The following TSNARE1 variants were observed in gnomAD, a reference collection of about 807,000 sequenced individuals.
The protein encoded by TSNARE1 is t-SNARE domain containing 1.
Under a neutral mutation model 62.0 loss-of-function variants are expected in TSNARE1, and 49 were observed. The ratio of observed to expected loss-of-function variants is 0.79; its 90% CI spans 0.63 to 1.00. The LOEUF is 1.00. Ranked by LOEUF, TSNARE1 falls within the 50% of genes least tolerant of loss-of-function variation. TSNARE1 has a pLI of 0.00. For synonymous variants in TSNARE1, 328 were observed against 294.4 expected (o/e 1.11, Z -1.17); for missense variants, 755 against 700.1 (o/e 1.08, Z -0.88).
At chr8:142,264,196 A>G (rs1819027487) in intron 12 of TSNARE1, among the ~76,000 whole-genome samples, 1 of 152,208 alleles carries the variant, frequency 6.6e-6, no homozygotes, top group African/African-American at 2.4e-5. Context: ...TGAGTTATGT[A>G]GAACTGTTTT....
At chr8:142,348,509 C>A (rs1276148668) in intron 2 of TSNARE1, among the ~76,000 whole-genome samples, 4 of 150,294 alleles carry the variant, frequency 2.7e-5, no homozygotes, top group Non-Finnish European at 5.9e-5. Context: ...CATGCCCACC[C>A]TCCCCTGGCC....
intron 13 of TSNARE1, among the ~76,000 whole-genome samples, chr8:142,222,685 CACT>C (rs1816418859): frequency 1.4e-4 from 5 of 36,036 alleles, no homozygotes; most frequent in Non-Finnish European, 3.1e-4. Flanking sequence ...TCCACTCATC[CACT>C]CACTCACTCA....
chr8:142,242,616 T>A (rs566793415), intron 12 of TSNARE1, among the ~76,000 whole-genome samples: 1 of 152,254 alleles, frequency 6.6e-6, no homozygotes, highest in African/African-American at 2.4e-5. Flanking sequence ...GACCTGATGA[T>A]TTTTAAAATG....
intron 1 of TSNARE1, among the ~76,000 whole-genome samples, chr8:142,376,120 A>T (rs1187272381): frequency 6.6e-6 from 1 of 152,226 alleles, no homozygotes; most frequent in Admixed American, 6.5e-5. Context: ...CAACCTTCAG[A>T]GAATCGCTCC....
chr8:142,252,465 G>C (rs1049814799), intron 12 of TSNARE1, among the ~76,000 whole-genome samples: 1 of 152,200 alleles, frequency 6.6e-6, no homozygotes, highest in African/African-American at 2.4e-5. Context: ...GGTTTGAGGT[G>C]GTGCTGCCGG....
intron 12 of TSNARE1, among the ~76,000 whole-genome samples, chr8:142,238,905 C>T (rs1396076355): frequency 6.6e-6 from 1 of 152,114 alleles, no homozygotes; most frequent in African/African-American, 2.4e-5. Flanking sequence ...TCCAGGAAGC[C>T]TCTCAGACTT....
At chr8:142,401,497 C>T (rs1423175535) in intron 1 of TSNARE1, among the ~76,000 whole-genome samples, 1 of 152,174 alleles carries the variant, frequency 6.6e-6, no homozygotes, top group African/African-American at 2.4e-5. Flanking sequence ...CCCAGGACCT[C>T]GCTCTGCAGG....
chr8:142,396,979 G>A (rs756354534), intron 1 of TSNARE1, among the ~76,000 whole-genome samples: 8 of 152,110 alleles, frequency 5.3e-5, no homozygotes, highest in Non-Finnish European at 7.4e-5. Context: ...GGGTCTCACA[G>A]GAGAGAGGCA....
intron 13 of TSNARE1, among the ~76,000 whole-genome samples, chr8:142,215,817 G>T (rs188596149): frequency 6.6e-6 from 1 of 152,214 alleles, no homozygotes; most frequent in Non-Finnish European, 1.5e-5. Context: ...GCCTGGACAC[G>T]CCCTTCAGCA....
intron 1 of TSNARE1, among the ~76,000 whole-genome samples, chr8:142,398,219 C>T (rs886167653): frequency 2.0e-5 from 3 of 150,270 alleles, no homozygotes; most frequent in African/African-American, 4.9e-5. Context: ...CTGCCCAAAA[C>T]GCACCCCCAA....
chr8:142,391,814 T>TG (rs1399277679), intron 1 of TSNARE1, among the ~76,000 whole-genome samples: 3 of 152,228 alleles, frequency 2.0e-5, no homozygotes, highest in Non-Finnish European at 4.4e-5. Flanking sequence ...GCTCCATGCC[T>TG]GGCTCACCCT....
intron 9 of TSNARE1, among the ~76,000 whole-genome samples, chr8:142,309,644 G>A (rs1827259313): frequency 6.6e-6 from 1 of 152,210 alleles, no homozygotes; most frequent in South Asian, 2.1e-4. Context: ...CAGATTGCTA[G>A]ATTGAAGTTA....
intron 1 of TSNARE1, among the ~76,000 whole-genome samples, chr8:142,401,274 A>G (rs907086931): frequency 6.6e-6 from 1 of 152,114 alleles, no homozygotes; most frequent in Non-Finnish European, 1.5e-5. Context: ...TGCTCAGGAC[A>G]CAAGGGTGAC....
chr8:142,246,260 G>C (rs1563773912), intron 12 of TSNARE1, among the ~76,000 whole-genome samples: 1 of 152,116 alleles, frequency 6.6e-6, no homozygotes, highest in Non-Finnish European at 1.5e-5. Flanking sequence ...GGACCCCCAG[G>C]AGATGGCAGG....
At chr8:142,262,411 T>C (rs759268115) in intron 12 of TSNARE1, among the ~76,000 whole-genome samples, 1 of 152,180 alleles carries the variant, frequency 6.6e-6, no homozygotes, top group Admixed American at 6.5e-5. Flanking sequence ...ACAAATATTG[T>C]CCTCATATTT....
chr8:142,345,948 T>C, intron 2 of TSNARE1, 56 bp from the exon 3 acceptor site: 1 of 1,571,860 alleles, frequency 6.4e-7, no homozygotes, highest in Non-Finnish European at 8.7e-7. Flanking sequence ...CTCCTGGCAG[T>C]GCCAGGCCCC....
chr8:142,299,443 G>C (rs868521364), intron 10 of TSNARE1, among the ~76,000 whole-genome samples: 1 of 152,250 alleles, frequency 6.6e-6, no homozygotes, highest in East Asian at 1.9e-4. Context: ...GCAGGCCCTA[G>C]CGCCTTCTGC....
At chr8:142,393,774 G>C (rs1309452585) in intron 1 of TSNARE1, among the ~76,000 whole-genome samples, 1 of 152,162 alleles carries the variant, frequency 6.6e-6, no homozygotes, top group Non-Finnish European at 1.5e-5. Context: ...GGGAAAGCCT[G>C]GGCAGCAAAG....
chr8:142,296,087 AGGGGGTGGTC>A (rs1307381794), intron 10 of TSNARE1, among the ~76,000 whole-genome samples: 1 of 434 alleles, frequency 2.3e-3, no homozygotes, highest in Non-Finnish European at 3.8e-3. Flanking sequence ...ATTGTGGGGG[AGGGGGTGGTC>A]ACTCATGGGG....
Sources: gnomAD v4.1 joint callset for allele counts (sites outside exome capture counted in the v4.1 genomes callset) on GRCh38, gnomAD v4.1.1 for gene constraint, MANE v1.5 for transcripts, NCBI Gene and HGNC (gene_info 2026-07-23, HGNC 2026-07-21) for gene names.